Variants in CTTNBP2 observed in about 807,000 individuals in gnomAD.
CTTNBP2 encodes the protein cortactin-binding protein 2.
CTTNBP2 carries 108 observed loss-of-function variants against 156.9 expected under a neutral mutation model. The ratio of observed to expected loss-of-function variants is 0.69; its 90% confidence interval spans 0.59 to 0.81. CTTNBP2 has a LOEUF of 0.81. Among genes scored for constraint, CTTNBP2 ranks in the 30% least tolerant of loss-of-function variants. The probability of loss-of-function intolerance (pLI) is 0.00; values close to 1 mark genes in which losing one functional copy is unlikely to be tolerated. For synonymous variants in CTTNBP2, 767 were observed against 751.8 expected (o/e 1.02, Z -0.33); for missense variants, 1,924 against 2,035.4 (o/e 0.95, Z 1.05).
At position 117,792,184 on chromosome 7, in the gene CTTNBP2, A is replaced by T; in HGVS notation, c.1012T>A (p.Ser338Thr). The T allele has an allele frequency of 6.2e-7, 1 of 1,614,206 alleles. No individual in the cohort carries two copies. Among genetic ancestry groups the T allele is most frequent in the Non-Finnish European group, 8.5e-7 (1 of 1,180,034 alleles). The change falls in exon 4 of 23, where the codon TCT (serine) becomes ACT (threonine). Residue 338 changes from serine to threonine, a missense_variant. By Grantham distance (58) the Ser-to-Thr change is moderately conservative. Coordinates refer to ENST00000160373, the MANE Select transcript of CTTNBP2 (RefSeq NM_033427.3). This position sits in a 1 kb window ranked among gnomAD's most constrained non-coding sequence, Gnocchi z 4.2. ...CACACGCTCCCTTTTGCATTTGCAG[A>T]AACTAGGGGACTCCCTGTGGAAGGT... The part of the protein sequence containing the change: ...VKPSTGSPLV[S>T]ANAKGSVCTS...
At chr7:117,832,325 C>T (rs1801661226) in intron 2 of CTTNBP2, among the ~76,000 whole-genome samples, 1 of 152,222 alleles carries the variant, frequency 6.6e-6, no homozygotes, top group African/African-American at 2.4e-5. Context: ...CAGCTGTCTC[C>T]TGCTCAGTCC....
chr7:117,803,975 G>A (rs1342304827), intron 3 of CTTNBP2, among the ~76,000 whole-genome samples: 1 of 152,004 alleles, frequency 6.6e-6, no homozygotes, highest in African/African-American at 2.4e-5. Context: ...ATGAATGAAT[G>A]AATGAATGAG....
At chr7:117,808,655 CCAGA>C (rs1414286910) in intron 3 of CTTNBP2, among the ~76,000 whole-genome samples, 1 of 152,150 alleles carries the variant, frequency 6.6e-6, no homozygotes, top group Non-Finnish European at 1.5e-5. Flanking sequence ...CTTTGCTTTC[CCAGA>C]CATTTGCTCT....
At chr7:117,843,879 A>T (rs1802415959) in intron 2 of CTTNBP2, among the ~76,000 whole-genome samples, 1 of 152,184 alleles carries the variant, frequency 6.6e-6, no homozygotes, top group African/African-American at 2.4e-5. Flanking sequence ...GGACCTGTGA[A>T]TATGTTCCCT....
At chr7:117,729,523 G>GA (rs1159741425) in intron 16 of CTTNBP2, among the ~76,000 whole-genome samples, 1 of 151,964 alleles carries the variant, frequency 6.6e-6, no homozygotes, top group Non-Finnish European at 1.5e-5. Context: ...CTGCTAAGAA[G>GA]AAAAAAATCC....
At chr7:117,853,810 C>T (rs2117206048) in intron 2 of CTTNBP2, among the ~76,000 whole-genome samples, 1 of 152,260 alleles carries the variant, frequency 6.6e-6, no homozygotes, top group African/African-American at 2.4e-5. Context: ...TAATAATCAG[C>T]AGGCAAATGC....
chr7:117,796,865 CT>C (rs1799351596), intron 3 of CTTNBP2, among the ~76,000 whole-genome samples: 2 of 152,258 alleles, frequency 1.3e-5, no homozygotes, highest in South Asian at 4.2e-4. Flanking sequence ...GAAAGTTCTG[CT>C]ACCAGTAATG....
At chr7:117,819,140 CTCTG>C (rs983551951) in intron 2 of CTTNBP2, among the ~76,000 whole-genome samples, 5 of 152,052 alleles carry the variant, frequency 3.3e-5, no homozygotes, top group African/African-American at 1.2e-4. Context: ...AGCTGTAACT[CTCTG>C]TCTTAGTGTA....
chr7:117,797,538 A>G (rs896485810), intron 3 of CTTNBP2, among the ~76,000 whole-genome samples: 3 of 152,190 alleles, frequency 2.0e-5, no homozygotes, highest in Admixed American at 6.5e-5. Flanking sequence ...TAAAGCAGCC[A>G]TTTTCAAAGA....
intron 8 of CTTNBP2, among the ~76,000 whole-genome samples, chr7:117,772,357 G>T (rs1448163432): frequency 6.6e-6 from 1 of 152,184 alleles, no homozygotes; most frequent in Non-Finnish European, 1.5e-5. Flanking sequence ...GATCATTTGA[G>T]TTCTTTAAGT....
At position 117,735,295 on chromosome 7, in the gene CTTNBP2, G is replaced by A; in HGVS notation, c.3662C>T (p.Thr1221Ile). The change falls in exon 15 of 23, where the codon ACT (threonine) becomes ATT (isoleucine). Residue 1221 changes from threonine (T) to isoleucine (I), a missense_variant. Coordinates refer to ENST00000160373, the MANE Select transcript of CTTNBP2 (RefSeq NM_033427.3). The part of the protein sequence containing the change: ...DFLAPLENRS[T>I]ESPCTFQKGN... ...TTTTTGGAAAGTGCAGGGGCTTTCA[G>A]TGCTGCGATTTTCAAGAGGTGCCAA... 1 of 1,614,102 alleles carries A rather than the reference G, an allele frequency of 6.2e-7. No homozygotes were observed.
chr7:117,760,166 A>G, intron 10 of CTTNBP2: 2 of 482,910 alleles, frequency 4.1e-6, no homozygotes, highest in Non-Finnish European at 7.4e-6. Context: ...GCATTTATCT[A>G]GAATAGCAAG....
chr7:117,731,437 A>T (rs1795393274), intron 16 of CTTNBP2, among the ~76,000 whole-genome samples: 1 of 152,222 alleles, frequency 6.6e-6, no homozygotes, highest in Non-Finnish European at 1.5e-5. Flanking sequence ...CTACACAGAT[A>T]GACAGTTTCT....
At chr7:117,736,205 A>G (rs904889501) in intron 14 of CTTNBP2, among the ~76,000 whole-genome samples, 10 of 152,222 alleles carry the variant, frequency 6.6e-5, no homozygotes, top group Admixed American at 3.9e-4. Context: ...TGGTAATCCC[A>G]GCACTTTGGG....
intron 1 of CTTNBP2, among the ~76,000 whole-genome samples, chr7:117,867,171 C>A (rs1328390142): frequency 6.6e-6 from 1 of 152,162 alleles, no homozygotes; most frequent in Non-Finnish European, 1.5e-5. Context: ...TACTTCTTGC[C>A]TTGAGATTAT....
intron 2 of CTTNBP2, among the ~76,000 whole-genome samples, chr7:117,841,659 G>A (rs951629495): frequency 3.3e-5 from 5 of 152,150 alleles, no homozygotes; most frequent in African/African-American, 9.7e-5. Flanking sequence ...ATGACCTTTC[G>A]GTCAAATCTC....
chr7:117,817,297 GCA>G (rs1257663316), intron 2 of CTTNBP2, among the ~76,000 whole-genome samples: 14 of 129,910 alleles, frequency 1.1e-4, no homozygotes, highest in African/African-American at 4.0e-4. Flanking sequence ...TTGTGCCACT[GCA>G]CTCCAGCCTG....
chr7:117,864,591 C>A (rs1803983265), intron 1 of CTTNBP2, among the ~76,000 whole-genome samples: 1 of 109,678 alleles, frequency 9.1e-6, no homozygotes, highest in African/African-American at 2.9e-5. Context: ...AAAAATAACC[C>A]CAGAAGCAAA....
At chr7:117,851,389 T>TCA (rs938424804) in intron 2 of CTTNBP2, among the ~76,000 whole-genome samples, 1 of 151,964 alleles carries the variant, frequency 6.6e-6, no homozygotes, top group Non-Finnish European at 1.5e-5. Flanking sequence ...ACCAACCCCC[T>TCA]CACACACACA....
Sources: allele counts gnomAD v4.1 joint callset (sites outside exome capture counted in the v4.1 genomes callset), GRCh38; gene constraint gnomAD v4.1.1; non-coding constraint Gnocchi (gnomAD v3.1); transcripts MANE v1.5; gene names NCBI Gene and HGNC (gene_info 2026-07-23, HGNC 2026-07-21).